Variants in SGCZ observed in about 807,000 individuals in gnomAD.
SGCZ encodes sarcoglycan zeta, also known as zeta-sarcoglycan.
In SGCZ, 40 loss-of-function variants were observed where a neutral mutation model predicts 41.3. That is an observed-to-expected ratio of 0.97 (90% CI 0.75 to 1.26). The LOEUF (loss-of-function observed/expected upper bound fraction) is 1.26, where lower values mean the gene tolerates loss of function less well. SGCZ is among the 50% of genes most tolerant of loss of function. The pLI is 0.00. For synonymous variants in SGCZ, 206 were observed against 137.5 expected, an observed-to-expected ratio of 1.50 and a Z score of -3.49; for missense variants, 552 against 369.8, an observed-to-expected ratio of 1.49 and a Z score of -4.04.
At chr8:14,421,728 A>T (rs1203104248) in intron 2 of SGCZ, among the ~76,000 whole-genome samples, 2 of 152,148 alleles carry the variant, frequency 1.3e-5, no homozygotes, top group African/African-American at 2.4e-5. Flanking sequence ...ATTCATCCCA[A>T]GCGCTATCTT....
At chr8:14,560,426 C>A (rs563250369) in intron 1 of SGCZ, among the ~76,000 whole-genome samples, 143 of 151,752 alleles carry the variant, frequency 9.4e-4, no homozygotes, top group Non-Finnish European at 1.7e-3. Context: ...ATGGGAAGAA[C>A]AAGGAGGAGC....
intron 1 of SGCZ, among the ~76,000 whole-genome samples, chr8:14,903,587 AG>A (rs1799035242): frequency 6.6e-6 from 1 of 152,088 alleles, no homozygotes. Context: ...ATTAGCCTTT[AG>A]GTTGGAAAAA....
intron 1 of SGCZ, among the ~76,000 whole-genome samples, chr8:15,032,578 C>T (rs1462930511): frequency 6.6e-6 from 1 of 152,098 alleles, no homozygotes; most frequent in East Asian, 1.9e-4. Context: ...GCCTGCTCAG[C>T]AGACTCAGTC....
chr8:14,883,318 C>T (rs1804664707), intron 1 of SGCZ, among the ~76,000 whole-genome samples: 1 of 151,440 alleles, frequency 6.6e-6, no homozygotes, highest in Non-Finnish European at 1.5e-5. Context: ...CCCTTGGAAT[C>T]CTGGGTTAAA....
intron 5 of SGCZ, among the ~76,000 whole-genome samples, chr8:14,146,998 C>G (rs907308949): frequency 6.6e-6 from 1 of 150,602 alleles, no homozygotes; most frequent in Non-Finnish European, 1.5e-5. Flanking sequence ...AAAGCCAAGG[C>G]TTAGAGTTTT....
At chr8:14,643,429 T>G (rs1446411630) in intron 1 of SGCZ, among the ~76,000 whole-genome samples, 1 of 151,666 alleles carries the variant, frequency 6.6e-6, no homozygotes, top group East Asian at 1.9e-4. Context: ...TTAATTAGAT[T>G]ATTTTGTTCC....
In SGCZ at chr8:14,183,107, T is replaced by C. The variant is rs1585209070; in HGVS notation, c.425-18405A>G. Among the ~76,000 whole-genome samples the C allele has an allele frequency of 3.3e-5, 5 of 152,080 alleles. No individual in the cohort carries two copies. In the South Asian group the frequency reaches 1.0e-3, roughly 32 times the overall value. On this transcript the variant is annotated intron_variant, in intron 4 of 7. Coordinates refer to ENST00000382080, the MANE Select transcript of SGCZ (RefSeq NM_139167.4). ...TAAATAGTAATAAAAAACACATTAT[T>C]ACAAATATTACAGGTGTTAAAATGG...
chr8:14,604,268 A>C (rs773764594), intron 1 of SGCZ, among the ~76,000 whole-genome samples: 2 of 152,052 alleles, frequency 1.3e-5, no homozygotes, highest in Non-Finnish European at 2.9e-5. Context: ...TTCACCACCA[A>C]CTTCAATTGA....
At chr8:14,152,778 A>G (rs757247508) in intron 5 of SGCZ, among the ~76,000 whole-genome samples, 8 of 152,170 alleles carry the variant, frequency 5.3e-5, no homozygotes, top group Non-Finnish European at 1.2e-4. Context: ...AACAACTCAG[A>G]TGTTCCTCAA....
chr8:14,995,990 A>G (rs940197665), intron 1 of SGCZ, among the ~76,000 whole-genome samples: 3 of 151,494 alleles, frequency 2.0e-5, no homozygotes, highest in Admixed American at 1.3e-4. Context: ...TGCAACCTCT[A>G]TCTCCCGGGT....
chr8:14,695,161 A>T (rs78808423), intron 1 of SGCZ, among the ~76,000 whole-genome samples: 2,855 of 146,528 alleles, frequency 0.019, 36 homozygotes, highest in Middle Eastern at 0.045. Context: ...GAGTTAAAAT[A>T]AAAAAAAATA....
intron 1 of SGCZ, among the ~76,000 whole-genome samples, chr8:15,026,894 A>G (rs1399181054): frequency 1.3e-5 from 2 of 152,192 alleles, no homozygotes; most frequent in Non-Finnish European, 2.9e-5. Flanking sequence ...CGCTAACAGC[A>G]TAAGTCCCTT....
intron 3 of SGCZ, among the ~76,000 whole-genome samples, chr8:14,286,432 G>A (rs546037877): frequency 2.3e-4 from 34 of 150,662 alleles, no homozygotes; most frequent in African/African-American, 8.2e-4. Flanking sequence ...AGATAACTCA[G>A]CTGGGACAAA....
rs80116636 is a variant in SGCZ, at chr8:14,702,966, T to C, written c.40-148040A>G. ...ATAGATAGATAGATAGATAGATAGA[T>C]AGATAGACAGACAGACAGACAGATA... On this transcript the variant is annotated intron_variant, in intron 1 of 7. Coordinates refer to ENST00000382080, the MANE Select transcript of SGCZ (RefSeq NM_139167.4). Among the ~76,000 whole-genome samples, 678 of 123,666 alleles carry C rather than the reference T, an allele frequency of 5.5e-3. 6 individuals carry two copies. Among genetic ancestry groups the C allele is most frequent in the Admixed American group, 0.012 (143 of 12,344 alleles). 81.1% of individuals were successfully genotyped at this position (123,666 alleles called of 152,430 possible).
At chr8:15,204,049 C>A (rs983204829) in intron 1 of SGCZ, among the ~76,000 whole-genome samples, 2 of 152,054 alleles carry the variant, frequency 1.3e-5, no homozygotes, top group Non-Finnish European at 2.9e-5. Context: ...AATTTTGTGG[C>A]CATAATTAAC....
At chr8:14,519,497 T>C (rs1319621104) in intron 2 of SGCZ, among the ~76,000 whole-genome samples, 2 of 152,124 alleles carry the variant, frequency 1.3e-5, no homozygotes, top group South Asian at 2.1e-4. Flanking sequence ...AGAGAAAAGA[T>C]ACATTGCAAC....
At position 14,769,888 on chromosome 8, in the gene SGCZ, C is replaced by A. The variant is rs1269529824; in HGVS notation, c.40-214962G>T. Among the ~76,000 whole-genome samples, 7 of 147,056 alleles carry A rather than the reference C, an allele frequency of 4.8e-5. No individual in the cohort carries two copies. In the Admixed American group the frequency reaches 4.8e-4, roughly 10 times the overall value. On this transcript the variant is annotated intron_variant, in intron 1 of 7. Coordinates refer to ENST00000382080, the MANE Select transcript of SGCZ (RefSeq NM_139167.4). ...AAATAGAATTTATTTCTACAAGGTG[C>A]AACTCGATTGGACTCTATCAGCGGG...
At chr8:14,401,258 A>T (rs1233964281) in intron 2 of SGCZ, among the ~76,000 whole-genome samples, 3 of 151,524 alleles carry the variant, frequency 2.0e-5, no homozygotes, top group Non-Finnish European at 2.9e-5. Context: ...ATATACATAC[A>T]TATATATAGT....
At chr8:14,197,558 A>G (rs555966897) in intron 4 of SGCZ, among the ~76,000 whole-genome samples, 15 of 152,240 alleles carry the variant, frequency 9.9e-5, no homozygotes, top group African/African-American at 3.1e-4. Context: ...TTAAAAAAAA[A>G]CAAATAATTA....
Sources: gnomAD v4.1 joint callset for allele counts (sites outside exome capture counted in the v4.1 genomes callset) on GRCh38, gnomAD v4.1.1 for gene constraint, MANE v1.5 for transcripts, NCBI Gene and HGNC (gene_info 2026-07-23, HGNC 2026-07-21) for gene names.